Variants in SARDH observed in about 807,000 individuals in gnomAD.
SARDH encodes sarcosine dehydrogenase, mitochondrial.
Under a neutral mutation model 109.1 loss-of-function variants are expected in SARDH, and 95 were observed. The observed-to-expected ratio is 0.87, with a 90% confidence interval of 0.74 to 1.03. The LOEUF is 1.03. SARDH is among the 50% of genes least tolerant of loss of function. The pLI is 0.00. For missense variants in SARDH, 1,267 were observed against 1,287.8 expected (o/e 0.98, Z 0.25); for synonymous variants, 572 against 534.8 (o/e 1.07, Z -0.96).
rs371717507 is a variant in SARDH at position 133,673,829 on chromosome 9, T to G, written c.2164-2132A>C. Among the ~76,000 whole-genome samples the G allele has an allele frequency of 3.1e-4, 47 of 152,212 alleles. No homozygotes were observed. The South Asian group carries it at 7.1e-3, about 23-fold the overall frequency. On this transcript the variant is annotated intron_variant, in intron 17 of 20. Coordinates refer to ENST00000439388, the MANE Select transcript of SARDH (RefSeq NM_001134707.2). ...GTGCACCTATGCACGGCCCTCCAATTGCGGATCCCTGTTCAGACAAAGACC... is the reference window on the plus strand; with the variant it reads ...GTGCACCTATGCACGGCCCTCCAATGGCGGATCCCTGTTCAGACAAAGACC...
intron 19 of SARDH, among the ~76,000 whole-genome samples, chr9:133,669,913 C>G (rs896854163): frequency 6.6e-6 from 1 of 152,224 alleles, no homozygotes; most frequent in Non-Finnish European, 1.5e-5. Context: ...AGAGGGGTGG[C>G]CTGGGCTTGG....
intron 17 of SARDH, among the ~76,000 whole-genome samples, chr9:133,673,007 C>A (rs913367009): frequency 6.6e-6 from 1 of 152,232 alleles, no homozygotes; most frequent in Admixed American, 6.5e-5. Context: ...ACGGCCCTTG[C>A]AACGGTGGGA....
chr9:133,719,834 AG>A (rs1832262192), intron 6 of SARDH, among the ~76,000 whole-genome samples: 1 of 152,182 alleles, frequency 6.6e-6, no homozygotes, highest in Non-Finnish European at 1.5e-5. Context: ...ACCACAGGCC[AG>A]GCACGGTGGC....
intron 19 of SARDH, chr9:133,667,256 T>C (rs1347718055): frequency 3.0e-6 from 1 of 330,694 alleles, no homozygotes; most frequent in African/African-American, 2.4e-5. Context: ...AACCTCCGCC[T>C]CCCAGGTTCA....
chr9:133,703,181 GC>G lies in SARDH; in HGVS notation c.1555-153del. ...GAGTGCCCGTGTGTTGTGGACGCGG[GC>G]AGGGGGCCCCCATGAGGTCCAGGCA... is the stretch of plus-strand genomic sequence containing the variant. On this transcript the variant is annotated intron_variant, in intron 12 of 20. Transcript: ENST00000439388. 4 of 671,212 alleles carry G rather than the reference GC, an allele frequency of 6.0e-6. No homozygotes were observed. The Admixed American group carries it at 9.7e-5, about 16-fold the overall frequency. 41.6% of individuals were successfully genotyped at this position (671,212 alleles called of 1,614,324 possible).
At chr9:133,733,453 G>T (rs1479888727) in intron 2 of SARDH, among the ~76,000 whole-genome samples, 3 of 152,184 alleles carry the variant, frequency 2.0e-5, no homozygotes, top group Non-Finnish European at 4.4e-5. Flanking sequence ...AGCCTCTGGT[G>T]CTCATGGAGG....
Position 133,670,611 on chromosome 9 carries a change from C to T in SARDH, c.2468G>A (p.Arg823Gln), listed in dbSNP as rs779654915. Residue 823 changes from arginine (R) to glutamine (Q), a missense_variant, in exon 19 of 21, where the codon CGG (arginine) becomes CAG (glutamine). Coordinates refer to ENST00000439388, the MANE Select transcript of SARDH (RefSeq NM_001134707.2). ...LEQQRAAGLR[R>Q]RLVCFTMEDK... ...CTCCATGGTGAAGCACACCAGGCGC[C>T]GGCGGAGGCCTGCGGCCCGCTGCTG... 3.0e-5 allele frequency: 47 copies of T among 1,577,286 alleles called. No individual in the cohort carries two copies. The highest frequency in any genetic ancestry group is 3.3e-4 in the Middle Eastern group (2 of 6,044).
rs886242295 is a variant in SARDH at position 133,693,843 on chromosome 9, T to A, written c.1921+415A>T. On this transcript the variant is annotated intron_variant, in intron 15 of 20. Coordinates refer to ENST00000439388, the MANE Select transcript of SARDH (RefSeq NM_001134707.2). The surrounding 1 kb of genome is among the most constrained non-coding windows in gnomAD (Gnocchi z 5.6). ...GAACTGGACGTCTTCTAAGGGCCTA[T>A]CCAAGCTCCAGACTAGAGGGTCACA... Among the ~76,000 whole-genome samples, 1 of 152,180 alleles carries A rather than the reference T, an allele frequency of 6.6e-6. No individual in the cohort carries two copies. Among genetic ancestry groups the A allele is most frequent in the Non-Finnish European group, 1.5e-5 (1 of 68,022 alleles).
chr9:133,700,458 C>T (rs1190099883), intron 13 of SARDH, among the ~76,000 whole-genome samples: 1 of 152,064 alleles, frequency 6.6e-6, no homozygotes, highest in Non-Finnish European at 1.5e-5. Flanking sequence ...CAAAAGCACA[C>T]ATCTTTTATG....
At chr9:133,671,001 G>C (rs916713537) in intron 18 of SARDH, among the ~76,000 whole-genome samples, 1 of 152,144 alleles carries the variant, frequency 6.6e-6, no homozygotes, top group Non-Finnish European at 1.5e-5. Flanking sequence ...GTCAGGGAGG[G>C]GCTTGTGAAG....
In SARDH at chr9:133,686,192, C is replaced by T. The variant is rs1307338771; in HGVS notation, c.2070-906G>A. ...CTCTGCGAGGGTGGGGATTCGCTCC[C>T]CACTTTCCCTGCTCCGTGGTACCCA... On this transcript the variant is annotated intron_variant, in intron 16 of 20. Coordinates refer to ENST00000439388, the MANE Select transcript of SARDH (RefSeq NM_001134707.2). The surrounding 1 kb of genome is among the most constrained non-coding windows in gnomAD (Gnocchi z 4.0). Among the ~76,000 whole-genome samples, 1 of 152,042 alleles carries T rather than the reference C, an allele frequency of 6.6e-6. No individual in the cohort carries two copies. The highest frequency in any genetic ancestry group is 1.5e-5 in the Non-Finnish European group (1 of 68,002).
At chr9:133,665,329 G>A (rs1830025499) in intron 20 of SARDH, among the ~76,000 whole-genome samples, 1 of 152,330 alleles carries the variant, frequency 6.6e-6, no homozygotes, top group Non-Finnish European at 1.5e-5. Flanking sequence ...AGCCCACCCT[G>A]GCATGGAGCC....
chr9:133,688,063 C>T (rs528201512), intron 16 of SARDH, among the ~76,000 whole-genome samples: 1 of 152,190 alleles, frequency 6.6e-6, no homozygotes, highest in Non-Finnish European at 1.5e-5. Context: ...CTGCCTCCCC[C>T]ACACTAAAAA....
At chr9:133,687,406 G>A (rs1190170219) in intron 16 of SARDH, among the ~76,000 whole-genome samples, 7 of 152,132 alleles carry the variant, frequency 4.6e-5, no homozygotes, top group Admixed American at 1.3e-4. Context: ...AAGTAGCTGC[G>A]ACTACAGGTG....
chr9:133,736,266 TCTCTCCCAGGGTGCATCCGCAC>T (rs1832881318), intron 1 of SARDH, among the ~76,000 whole-genome samples: 2 of 152,244 alleles, frequency 1.3e-5, no homozygotes, highest in South Asian at 4.1e-4. Flanking sequence ...TGGAATCCTC[TCTCTCCCAGGGTGCATCCGCAC>T]CTAACTTTCA....
chr9:133,713,664 C>T (rs186005307), intron 8 of SARDH, among the ~76,000 whole-genome samples: 27 of 152,360 alleles, frequency 1.8e-4, no homozygotes, highest in Admixed American at 4.6e-4. Context: ...CCCACTCCGG[C>T]GGCCACAGCT....
chr9:133,679,801 G>C (rs532298298), intron 17 of SARDH, among the ~76,000 whole-genome samples: 23 of 152,276 alleles, frequency 1.5e-4, no homozygotes, highest in Admixed American at 1.4e-3. Context: ...GCTGGGAATC[G>C]CGCCCAATTC....
chr9:133,723,587 C>T (rs2131481946), intron 6 of SARDH, among the ~76,000 whole-genome samples: 1 of 152,146 alleles, frequency 6.6e-6, no homozygotes, highest in Non-Finnish European at 1.5e-5. Flanking sequence ...GTGGTGAAAC[C>T]CTGTCTCTAC....
At chr9:133,722,540 AG>A (rs1006042502) in intron 6 of SARDH, among the ~76,000 whole-genome samples, 4 of 152,322 alleles carry the variant, frequency 2.6e-5, no homozygotes, top group African/African-American at 9.6e-5. Flanking sequence ...AAGTAATAAA[AG>A]GCACCCAGAT....
Sources: gnomAD v4.1 joint callset for allele counts (sites outside exome capture counted in the v4.1 genomes callset) on GRCh38, gnomAD v4.1.1 for gene constraint, Gnocchi (gnomAD v3.1) non-coding constraint, MANE v1.5 for transcripts, NCBI Gene and HGNC (gene_info 2026-07-23, HGNC 2026-07-21) for gene names.